BCL7C: variants seen among roughly 807,000 people sequenced by gnomAD.
BCL7C encodes the protein B-cell CLL/lymphoma 7 protein family member C.
Under a neutral mutation model 26.2 loss-of-function variants are expected in BCL7C, and 8 were observed. The ratio of observed to expected loss-of-function variants is 0.30; its 90% CI spans 0.18 to 0.55. The LOEUF (loss-of-function observed/expected upper bound fraction) is 0.55, where lower values mean the gene tolerates loss of function less well. Among genes scored for constraint, BCL7C ranks in the 20% least tolerant of loss-of-function variants. The probability of loss-of-function intolerance (pLI) is 0.93; values close to 1 mark genes in which losing one functional copy is unlikely to be tolerated. For missense variants in BCL7C, 262 were observed against 298.5 expected (o/e 0.88, Z 0.90); for synonymous variants, 90 against 116.5 (o/e 0.77, Z 1.47).
At chr16:30,842,758 C>T (rs1394258649) in intron 5 of BCL7C, among the ~76,000 whole-genome samples, 1 of 152,100 alleles carries the variant, frequency 6.6e-6, no homozygotes, top group African/African-American at 2.4e-5. Context: ...TTAGTACAGA[C>T]AGGGTATCAC....
intron 5 of BCL7C, among the ~76,000 whole-genome samples, chr16:30,841,534 G>A (rs905752870): frequency 2.0e-5 from 3 of 152,162 alleles, no homozygotes; most frequent in East Asian, 1.9e-4. Context: ...GAAATCTAGC[G>A]CCTATTGTTC....
At chr16:30,874,925 C>A (rs529668205) in intron 5 of BCL7C, among the ~76,000 whole-genome samples, 2 of 152,360 alleles carry the variant, frequency 1.3e-5, no homozygotes, top group South Asian at 2.1e-4. Context: ...CTCGGGCGCC[C>A]GCTCTTGCAG....
chr16:30,857,944 C>T (rs1222773178), intron 5 of BCL7C, among the ~76,000 whole-genome samples: 1 of 146,248 alleles, frequency 6.8e-6, no homozygotes, highest in Middle Eastern at 3.4e-3. Flanking sequence ...GCATTCCAGC[C>T]TGAGTGACAA....
intron 5 of BCL7C, among the ~76,000 whole-genome samples, chr16:30,847,223 T>C (rs1046691734): frequency 5.3e-5 from 8 of 152,198 alleles, no homozygotes; most frequent in African/African-American, 1.9e-4. Context: ...AAATTTGTCA[T>C]GCAAAAACTA....
chr16:30,840,038 A>G (rs964332322), intron 5 of BCL7C, among the ~76,000 whole-genome samples: 1 of 152,058 alleles, frequency 6.6e-6, no homozygotes, highest in African/African-American at 2.4e-5. Flanking sequence ...GTAGAGATCT[A>G]CAGGTGTAAC....
intron 5 of BCL7C, among the ~76,000 whole-genome samples, chr16:30,856,439 T>TAAA (rs61380254): frequency 9.6e-4 from 112 of 116,536 alleles, no homozygotes; most frequent in African/African-American, 3.5e-3. Flanking sequence ...AGACTCCGTC[T>TAAA]AAAAAAAAAA....
intron 5 of BCL7C, among the ~76,000 whole-genome samples, chr16:30,876,814 T>G (rs769768464): frequency 6.6e-5 from 10 of 151,990 alleles, no homozygotes; most frequent in Non-Finnish European, 1.5e-4. Context: ...GGAAGAAAGC[T>G]TGGGGAAAGG....
downstream of BCL7C, among the ~76,000 whole-genome samples, chr16:30,885,719 G>C (rs952919710): frequency 5.9e-5 from 9 of 151,998 alleles, no homozygotes; most frequent in African/African-American, 2.2e-4. Context: ...CTGTGGCTTT[G>C]AGCCCCTATA....
At chr16:30,882,413 C>CA (rs1209362844) in intron 5 of BCL7C, among the ~76,000 whole-genome samples, 1 of 152,182 alleles carries the variant, frequency 6.6e-6, no homozygotes, top group African/African-American at 2.4e-5. Context: ...CACTACAAAG[C>CA]AACAGCCACC....
At chr16:30,885,055 A>G (rs1365557798), downstream of BCL7C, among the ~76,000 whole-genome samples, 1 of 152,162 alleles carries the variant, frequency 6.6e-6, no homozygotes, top group African/African-American at 2.4e-5. Flanking sequence ...ATGGCCCTCC[A>G]AAGAAGTCCA....
At chr16:30,871,737 G>A (rs2054884189) in intron 5 of BCL7C, among the ~76,000 whole-genome samples, 1 of 152,114 alleles carries the variant, frequency 6.6e-6, no homozygotes, top group Admixed American at 6.5e-5. Context: ...TGCCTACCTT[G>A]GCCTCCCAAA....
At chr16:30,873,848 C>CAAAAAA in intron 5 of BCL7C, among the ~76,000 whole-genome samples, 1 of 133,528 alleles carries the variant, frequency 7.5e-6, no homozygotes, top group Admixed American at 7.7e-5. Flanking sequence ...TACACTGTCT[C>CAAAAAA]AAAAAAAAAA....
intron 5 of BCL7C, among the ~76,000 whole-genome samples, chr16:30,861,695 C>G (rs980120345): frequency 7.2e-5 from 11 of 152,094 alleles, no homozygotes; most frequent in African/African-American, 2.2e-4. Context: ...GTAACTCTTA[C>G]AGTGGAGGGT....
intron 5 of BCL7C, among the ~76,000 whole-genome samples, chr16:30,848,367 C>A (rs1431896603): frequency 2.6e-5 from 4 of 152,122 alleles, no homozygotes; most frequent in African/African-American, 7.2e-5. Context: ...GGAAATGCAC[C>A]ATTGAGGTGG....
At chr16:30,855,430 A>G (rs1380117447) in intron 5 of BCL7C, among the ~76,000 whole-genome samples, 2 of 151,792 alleles carry the variant, frequency 1.3e-5, no homozygotes, top group Non-Finnish European at 2.9e-5. Context: ...TTTCATAGAG[A>G]TGGGGTTTCA....
intron 5 of BCL7C, among the ~76,000 whole-genome samples, chr16:30,861,520 G>A (rs1010441244): frequency 2.0e-5 from 3 of 152,178 alleles, no homozygotes; most frequent in Non-Finnish European, 4.4e-5. Flanking sequence ...GGATCCTACT[G>A]GAAATTAGAC....
Position 30,888,949 on chromosome 16 carries a change from G to A in BCL7C, c.443-4C>T. On this transcript the variant is annotated splice_polypyrimidine_tract_variant and splice_region_variant and intron_variant, in intron 4 of 5. Transcript: ENST00000215115. The stretch of plus-strand genomic sequence containing the variant: ...CCAGCAGTTATGCCCCCGGGATCTG[G>A]AACGTCAAGGTAACAAACATCCCCT... 1.2e-6 allele frequency: 2 copies of A among 1,613,826 alleles called. No homozygotes were observed. The highest frequency in any genetic ancestry group is 1.7e-6 in the Non-Finnish European group (2 of 1,179,776).
intron 5 of BCL7C, among the ~76,000 whole-genome samples, chr16:30,835,794 C>A (rs1011732632): frequency 1.8e-4 from 27 of 151,776 alleles, no homozygotes; most frequent in Middle Eastern, 3.4e-3. Flanking sequence ...TGCAGTGAGC[C>A]GAGATCGCAC....
chr16:30,893,745 T>C lies in BCL7C; in HGVS notation c.92+108A>G. On this transcript the variant is annotated intron_variant, in intron 1 of 5. Transcript: ENST00000215115. This position sits in a 1 kb window ranked among gnomAD's most constrained non-coding sequence, Gnocchi z 5.2. ...GTGGATCCAGGGCAAAGCTAGTGGGTGGAGATACACCGAACACCCGGGGCC... is the reference window on the plus strand; with the variant it reads ...GTGGATCCAGGGCAAAGCTAGTGGGCGGAGATACACCGAACACCCGGGGCC... The C allele has an allele frequency of 1.1e-6, 1 of 935,618 alleles. No homozygotes were observed. The highest frequency in any genetic ancestry group is 1.7e-6 in the Non-Finnish European group (1 of 597,998). 58.0% of individuals were successfully genotyped at this position (935,618 alleles called of 1,614,324 possible). A position where few individuals can be genotyped will look rare whatever the true frequency, so the allele number is the denominator to read the frequency against.
Sources: allele counts gnomAD v4.1 joint callset (sites outside exome capture counted in the v4.1 genomes callset), GRCh38; gene constraint gnomAD v4.1.1; non-coding constraint Gnocchi (gnomAD v3.1); transcripts MANE v1.5; gene names NCBI Gene and HGNC (gene_info 2026-07-23, HGNC 2026-07-21).